Variants in RBFOX1 observed in about 807,000 individuals in gnomAD.
RBFOX1 encodes the protein RNA binding fox-1 homolog 1, also known as RNA binding protein fox-1 homolog 1.
In RBFOX1, 8 loss-of-function variants were observed where a neutral mutation model predicts 57.7. The ratio of observed to expected loss-of-function variants is 0.14; its 90% confidence interval spans 0.08 to 0.25. The LOEUF (loss-of-function observed/expected upper bound fraction) is 0.25, where lower values mean the gene tolerates loss of function less well. RBFOX1 is among the 10% of genes least tolerant of loss of function. The pLI, the probability that RBFOX1 is intolerant of heterozygous loss-of-function variation, is 1.00. For missense variants in RBFOX1, 611 were observed against 548.5 expected (o/e 1.11, Z -1.14); for synonymous variants, 326 against 222.4 (o/e 1.47, Z -4.15).
chr16:7,692,700 T>C (rs1182360753), intron 14 of RBFOX1, among the ~76,000 whole-genome samples: 1 of 152,106 alleles, frequency 6.6e-6, no homozygotes, highest in East Asian at 1.9e-4. Flanking sequence ...TCTTTCTGGG[T>C]TTACTAAAAG....
chr16:7,149,399 G>T (rs1277804678), intron 4 of RBFOX1, among the ~76,000 whole-genome samples: 2 of 151,896 alleles, frequency 1.3e-5, no homozygotes, highest in African/African-American at 4.8e-5. Context: ...ATTCCCACTG[G>T]TGAGAGACTT....
At chr16:6,302,870 G>C (rs2078984978) in intron 1 of RBFOX1, among the ~76,000 whole-genome samples, 1 of 152,136 alleles carries the variant, frequency 6.6e-6, no homozygotes, top group South Asian at 2.1e-4. Flanking sequence ...GAATACTAAG[G>C]GAGGGTTTTT....
At chr16:6,146,764 G>T (rs769632199) in intron 1 of RBFOX1, among the ~76,000 whole-genome samples, 1 of 152,154 alleles carries the variant, frequency 6.6e-6, no homozygotes, top group Non-Finnish European at 1.5e-5. Context: ...GAACCTTCCG[G>T]AGTGTCCCTG....
intron 11 of RBFOX1, among the ~76,000 whole-genome samples, chr16:7,642,200 T>C (rs1321761996): frequency 6.6e-6 from 1 of 152,160 alleles, no homozygotes; most frequent in Non-Finnish European, 1.5e-5. Context: ...AGTTCCTTAG[T>C]CTATTCTATA....
chr16:5,279,903 C>T (rs553451117), intron 1 of RBFOX1, among the ~76,000 whole-genome samples: 2 of 152,320 alleles, frequency 1.3e-5, no homozygotes, highest in Admixed American at 6.5e-5. Flanking sequence ...TTGACTTCCT[C>T]TTGTCCAGTT....
At chr16:5,834,687 G>GTAGGTAGGTAGA (rs1555541440) in intron 3 of RBFOX1, among the ~76,000 whole-genome samples, 4 of 134,798 alleles carry the variant, frequency 3.0e-5, no homozygotes, top group African/African-American at 1.3e-4. Context: ...AATGGGATAG[G>GTAGGTAGGTAGA]TAGATAGATA....
intron 4 of RBFOX1, among the ~76,000 whole-genome samples, chr16:7,121,743 AAAG>A: frequency 6.6e-6 from 1 of 152,006 alleles, no homozygotes; most frequent in African/African-American, 2.4e-5. Context: ...TATCCAAAAT[AAAG>A]AAGAATAAAA....
intron 3 of RBFOX1, among the ~76,000 whole-genome samples, chr16:6,936,803 C>T (rs1315029960): frequency 6.6e-6 from 1 of 151,818 alleles, no homozygotes; most frequent in Non-Finnish European, 1.5e-5. Flanking sequence ...AAGCCTGTGC[C>T]CAAAACGCTT....
intron 4 of RBFOX1, among the ~76,000 whole-genome samples, chr16:7,372,529 G>T (rs528856057): frequency 6.6e-6 from 1 of 152,268 alleles, no homozygotes; most frequent in African/African-American, 2.4e-5. Flanking sequence ...AACCCTGATT[G>T]ATTAGTAGTG....
chr16:7,054,692 C>T (rs2051491204), intron 4 of RBFOX1, among the ~76,000 whole-genome samples: 2 of 152,168 alleles, frequency 1.3e-5, no homozygotes, highest in South Asian at 4.1e-4. Context: ...TTAGTTACCA[C>T]ATCGTTGAAG....
At chr16:7,102,884 A>G (rs78222790) in intron 4 of RBFOX1, among the ~76,000 whole-genome samples, 4 of 152,128 alleles carry the variant, frequency 2.6e-5, no homozygotes, top group East Asian at 1.9e-4. Flanking sequence ...ATGCACTTCA[A>G]TTGAGTGCTA....
At chr16:6,248,027 C>T (rs946323486) in intron 1 of RBFOX1, among the ~76,000 whole-genome samples, 1 of 152,166 alleles carries the variant, frequency 6.6e-6, no homozygotes, top group Non-Finnish European at 1.5e-5. Flanking sequence ...TCATCAATCC[C>T]TTCAAGTACA....
rs147093162 is a variant in RBFOX1, at chr16:6,616,061, G to C, written c.-63-38542G>C. Among the ~76,000 whole-genome samples, 598 of 152,256 alleles carry C rather than the reference G, an allele frequency of 3.9e-3. 5 individuals carry two copies. The highest frequency in any genetic ancestry group is 0.013 in the African/African-American group (553 of 41,554). Reference sequence around the variant, plus strand: ...GTTTAGGAAAGTCAGACTGTCATCGGTGTGGAGGGCTGTGCAGCAGATGAG... The same window carrying C: ...GTTTAGGAAAGTCAGACTGTCATCGCTGTGGAGGGCTGTGCAGCAGATGAG... On this transcript the variant is annotated intron_variant, in intron 2 of 15. Coordinates refer to ENST00000550418, the MANE Select transcript of RBFOX1 (RefSeq NM_018723.4).
At chr16:7,387,684 G>A (rs2097907925) in intron 4 of RBFOX1, among the ~76,000 whole-genome samples, 1 of 152,214 alleles carries the variant, frequency 6.6e-6, no homozygotes, top group Non-Finnish European at 1.5e-5. Context: ...GGTGCCATTA[G>A]GAGTGGTGTC....
At chr16:5,968,673 G>A (rs1267281412) in intron 4 of RBFOX1, among the ~76,000 whole-genome samples, 2 of 151,946 alleles carry the variant, frequency 1.3e-5, no homozygotes, top group East Asian at 3.9e-4. Context: ...CTTGACAAAG[G>A]ACACTTGAGA....
At chr16:6,452,368 C>G (rs1318417469) in intron 2 of RBFOX1, among the ~76,000 whole-genome samples, 1 of 151,698 alleles carries the variant, frequency 6.6e-6, no homozygotes, top group Non-Finnish European at 1.5e-5. Context: ...CCTTCCCTGG[C>G]TCTCTTCTTT....
chr16:7,192,579 A>G (rs957443585), intron 4 of RBFOX1, among the ~76,000 whole-genome samples: 2 of 152,340 alleles, frequency 1.3e-5, no homozygotes, highest in Middle Eastern at 3.4e-3. Flanking sequence ...GTGAAATCAT[A>G]GAGGAGATCC....
At chr16:7,610,306 A>G (rs944746136) in intron 10 of RBFOX1, among the ~76,000 whole-genome samples, 2 of 150,910 alleles carry the variant, frequency 1.3e-5, no homozygotes, top group Non-Finnish European at 2.9e-5. Flanking sequence ...TTTTTTGTAG[A>G]GACAGGGTTT....
intron 3 of RBFOX1, among the ~76,000 whole-genome samples, chr16:6,863,991 T>C (rs1438796184): frequency 1.1e-5 from 1 of 95,018 alleles, no homozygotes; most frequent in African/African-American, 4.4e-5. Flanking sequence ...TTATGTTCCT[T>C]TTTTTTTTTT....
Sources: allele counts gnomAD v4.1 joint callset (sites outside exome capture counted in the v4.1 genomes callset), GRCh38; gene constraint gnomAD v4.1.1; transcripts MANE v1.5; gene names NCBI Gene and HGNC (gene_info 2026-07-23, HGNC 2026-07-21).